The following SLC39A5 variants were observed in gnomAD, a reference collection of about 807,000 sequenced individuals.
The protein encoded by SLC39A5 is zinc transporter ZIP5.
SLC39A5 carries 42 observed loss-of-function variants against 46.9 expected under a neutral mutation model. That is an observed-to-expected ratio of 0.90 (90% confidence interval 0.70 to 1.16). The LOEUF is 1.16. SLC39A5 is among the 50% of genes most tolerant of loss of function. The probability of loss-of-function intolerance (pLI) is 0.00; values close to 1 mark genes in which losing one functional copy is unlikely to be tolerated. For synonymous variants in SLC39A5, 311 were observed against 323.1 expected, an observed-to-expected ratio of 0.96 and a Z score of 0.40; for missense variants, 677 against 686.8, an observed-to-expected ratio of 0.99 and a Z score of 0.16.
At chr12:56,232,394 A>G (rs1034840289) in intron 4 of SLC39A5, among the ~76,000 whole-genome samples, 81 of 151,256 alleles carry the variant, frequency 5.4e-4, no homozygotes, top group Admixed American at 8.6e-4. Context: ...TCGAACTTCC[A>G]ACCTCAGGTG....
Position 56,234,846 on chromosome 12 carries a change from TG to T in SLC39A5, c.496del (p.Val166SerfsTer5). ...CAGTGTCTGAACGGCTCCCAGCTGCTGGTCAATTTTGGCTTGAGCCCCGCTG... is the reference window on the plus strand; with the variant it reads ...CAGTGTCTGAACGGCTCCCAGCTGCTGTCAATTTTGGCTTGAGCCCCGCTG... ...NEDCLNGSQL[L>X]VNFGLSPAAP... On this transcript the variant is annotated frameshift_variant, in exon 6 of 13. Coordinates refer to ENST00000454355, the MANE Select transcript of SLC39A5 (RefSeq NM_173596.3). LOFTEE classifies it high-confidence loss of function. The T allele has an allele frequency of 6.2e-7, 1 of 1,613,788 alleles. No homozygotes were observed. The highest frequency in any genetic ancestry group is 8.5e-7 in the Non-Finnish European group (1 of 1,180,036).
At position 56,236,727 on chromosome 12, in the gene SLC39A5, C is replaced by T. The variant is rs1428654319; in HGVS notation, c.1188C>T (p.Leu396=). ...TCCTGGGAGATGGTCTACACAACCT[C>T]ACTGATGGGCTGGCCATAGGTGTGA... The part of the protein sequence containing the change: ...MVLLGDGLHN[L]TDGLAIGAAF... The change falls in exon 10 of 13, where the codon CTC becomes CTT. Residue 396 remains leucine, a synonymous_variant. Transcript: ENST00000454355. 5.0e-6 allele frequency: 8 copies of T among 1,604,374 alleles called. No homozygotes were observed. Among genetic ancestry groups the T allele is most frequent in the Non-Finnish European group, 6.8e-6 (8 of 1,174,088 alleles).
In SLC39A5 at chr12:56,237,779, C is replaced by T. The variant is rs186869310; in HGVS notation, c.*48C>T. The T allele has an allele frequency of 1.3e-5, 20 of 1,502,786 alleles. No homozygotes were observed. The African/African-American group carries it at 2.4e-4, about 18-fold the overall frequency. The allele number at this position is 1,502,786 out of a possible 1,614,324, so 93.1% of individuals were successfully genotyped here. A position where few individuals can be genotyped will look rare whatever the true frequency, so the allele number is the denominator to read the frequency against. On this transcript the variant is annotated 3_prime_UTR_variant, in exon 13 of 13. Transcript: ENST00000454355. ...GGTTGCCCTTCCTTCCCCCCAACCA[C>T]AGGAATGGAGGCGGGACACAGGGCC...
intron 5 of SLC39A5, among the ~76,000 whole-genome samples, chr12:56,233,234 A>C (rs1483669503): frequency 7.9e-6 from 1 of 126,612 alleles, no homozygotes; most frequent in Non-Finnish European, 1.6e-5. Flanking sequence ...TTTGCACTCC[A>C]GCCTGGGCAA....
At position 56,235,664 on chromosome 12, in the gene SLC39A5, C is replaced by T. The variant is rs200940210; in HGVS notation, c.909C>T (p.Asn303=). The T allele has an allele frequency of 8.7e-6, 14 of 1,614,054 alleles. No individual in the cohort carries two copies. In the Admixed American group the frequency reaches 1.5e-4, roughly 17 times the overall value. ...TCTTCCTGCTCTTTGTGCTGGAGAACATGCTGGGGCTTTTGCGGCACCGAG... is the reference window on the plus strand; with the variant it reads ...TCTTCCTGCTCTTTGTGCTGGAGAATATGCTGGGGCTTTTGCGGCACCGAG... ...GGLFLLFVLE[N]MLGLLRHRGL... is the part of the protein sequence containing the mutation. Residue 303 remains asparagine, a synonymous_variant, in exon 8 of 13, where the codon AAC becomes AAT. Coordinates refer to ENST00000454355, the MANE Select transcript of SLC39A5 (RefSeq NM_173596.3).
Position 56,231,345 on chromosome 12 carries a change from G to C in SLC39A5, c.71G>C (p.Gly24Ala). 2 of 1,613,766 alleles carry C rather than the reference G, an allele frequency of 1.2e-6. No homozygotes were observed. The highest frequency in any genetic ancestry group is 2.2e-5 in the South Asian group (2 of 91,074). The change falls in exon 4 of 13, where the codon GGC becomes GCC. Residue 24 changes from glycine to alanine, a missense_variant. Gly to Ala is a moderately conservative substitution (Grantham distance 60). Coordinates refer to ENST00000454355, the MANE Select transcript of SLC39A5 (RefSeq NM_173596.3). ...TGGGTCGTCTTGGGCTGGGTAGGGG[G>C]CTCAGTCCCCAACCTGGGCCCTGCT... ...CVWVVLGWVG[G>A]SVPNLGPAEQ...
At chr12:56,233,264 CAAAAAAAAAAAAAA>C (rs71081337) in intron 5 of SLC39A5, among the ~76,000 whole-genome samples, 17 of 31,034 alleles carry the variant, frequency 5.5e-4, no homozygotes, top group South Asian at 5.4e-3. Context: ...GACTCTGTCT[CAAAAAAAAAAAAAA>C]AAAAAAAAAA....
At position 56,237,356 on chromosome 12, in the gene SLC39A5, T is replaced by A. The variant is rs377171641; in HGVS notation, c.1479+16T>A. On this transcript the variant is annotated intron_variant, in intron 12 of 12. Transcript: ENST00000454355. ...TGTGGACATGGTGAGAGATGTCGGGTAGAGCAGAGAAATCAAGGGCAGTGG... is the reference window on the plus strand; with the variant it reads ...TGTGGACATGGTGAGAGATGTCGGGAAGAGCAGAGAAATCAAGGGCAGTGG... The A allele has an allele frequency of 1.3e-6, 2 of 1,569,992 alleles. No individual in the cohort carries two copies. Among genetic ancestry groups the A allele is most frequent in the Non-Finnish European group, 1.7e-6 (2 of 1,156,772 alleles).
chr12:56,232,231 T>A (rs1870294596), intron 4 of SLC39A5, among the ~76,000 whole-genome samples: 1 of 148,690 alleles, frequency 6.7e-6, no homozygotes, highest in Admixed American at 6.8e-5. Context: ...AGTGGTGTGA[T>A]CTTGGCTCAC....
At chr12:56,235,109 G>A in intron 6 of SLC39A5, 48 bp from the exon 7 acceptor site, 1 of 1,555,848 alleles carries the variant, frequency 6.4e-7, no homozygotes, top group Non-Finnish European at 8.7e-7. Flanking sequence ...CTTACGTGTG[G>A]GACCCTCCTC....
At chr12:56,234,724 G>T in intron 5 of SLC39A5, 100 bp from the exon 6 acceptor site, 6 of 1,352,824 alleles carry the variant, frequency 4.4e-6, no homozygotes, top group Non-Finnish European at 6.2e-6. Flanking sequence ...GCCTCTCAAG[G>T]GCTGGGATTA....
In SLC39A5 at chr12:56,232,722, G is replaced by A. The variant is rs772307632; in HGVS notation, c.321G>A (p.Trp107Ter). ...ACCCTGAGCTGAGTGTGGATGTCTG[G>A]GCAGGGATGCCTCTGGGTCCCTCAG... ...PQNPELSVDV[W>*]AGMPLGPSGW... The change falls in exon 5 of 13, where the codon TGG becomes TGA. Residue 107 changes from tryptophan to a stop codon, truncating the protein, a stop_gained. Coordinates refer to ENST00000454355, the MANE Select transcript of SLC39A5 (RefSeq NM_173596.3). LOFTEE classifies it high-confidence loss of function. 1 of 1,611,278 alleles carries A rather than the reference G, an allele frequency of 6.2e-7. No individual in the cohort carries two copies. The highest frequency in any genetic ancestry group is 1.7e-5 in the Admixed American group (1 of 59,470).
rs982022692 is a variant in SLC39A5 at position 56,237,667 on chromosome 12, G to A, written c.1559G>A (p.Gly520Asp). 2 of 1,607,932 alleles carry A rather than the reference G, an allele frequency of 1.2e-6. No individual in the cohort carries two copies. ...CAGGGGCTGGGGCTGCTGCTGGGGG[G>A]CGGCCTCATGCTTGCCATAACCCTG... ...LLQGLGLLLG[G>D]GLMLAITLLE... Residue 520 changes from glycine (G) to aspartate (D), a missense_variant, in exon 13 of 13, where the codon GGC becomes GAC. By Grantham distance (94) the Gly-to-Asp change is moderately conservative. Transcript: ENST00000454355.
At position 56,235,417 on chromosome 12, in the gene SLC39A5, C is replaced by T. The variant is rs1051849070; in HGVS notation, c.804+91C>T. On this transcript the variant is annotated intron_variant, in intron 7 of 12. Coordinates refer to ENST00000454355, the MANE Select transcript of SLC39A5 (RefSeq NM_173596.3). ...ATCCCCTCCGCCTTTCCATCAGCTCCCATATCCTACTCCCAGATCCTGGCT... is the reference window on the plus strand; with the variant it reads ...ATCCCCTCCGCCTTTCCATCAGCTCTCATATCCTACTCCCAGATCCTGGCT... 25 of 1,506,838 alleles carry T rather than the reference C, an allele frequency of 1.7e-5. No homozygotes were observed. The East Asian group carries it at 4.1e-4, about 25-fold the overall frequency. The allele number at this position is 1,506,838 out of a possible 1,614,324, so 93.3% of individuals were successfully genotyped here. A position where few individuals can be genotyped will look rare whatever the true frequency, so the allele number is the denominator to read the frequency against.
chr12:56,234,650 A>G (rs1870549582), intron 5 of SLC39A5, among the ~76,000 whole-genome samples, 174 bp from the exon 6 acceptor site: 1 of 152,042 alleles, frequency 6.6e-6, no homozygotes, highest in Non-Finnish European at 1.5e-5. Context: ...TAGTAGAGAC[A>G]GGGTTTCACT....
chr12:56,236,277 G>A, intron 8 of SLC39A5, 119 bp from the exon 9 acceptor site: 1 of 879,502 alleles, frequency 1.1e-6, no homozygotes, highest in Non-Finnish European at 1.8e-6. Flanking sequence ...AGAGGCCAAA[G>A]AACATCCCAG....
At chr12:56,237,364 A>T in intron 12 of SLC39A5, 24 bp downstream of exon 12, 1 of 1,564,784 alleles carries the variant, frequency 6.4e-7, no homozygotes, top group East Asian at 2.3e-5. Flanking sequence ...GGTAGAGCAG[A>T]GAAATCAAGG....
rs542726386 is a variant in SLC39A5 at position 56,232,855 on chromosome 12, G to C, written c.454G>C (p.Asp152His). 6.2e-7 allele frequency: 1 copy of C among 1,611,208 alleles called. No homozygotes were observed. Among genetic ancestry groups the C allele is most frequent in the Non-Finnish European group, 8.5e-7 (1 of 1,178,870 alleles). The change falls in exon 5 of 13, where the codon GAC becomes CAC. Residue 152 changes from aspartate to histidine, a missense_variant. Physicochemically the swap from Asp to His is moderately conservative, Grantham distance 81. Transcript: ENST00000454355. ...RLLLLDHSLA[D>H]HLNEDCLNGS... is the part of the protein sequence containing the mutation. ...TCTGTTGCTGGACCACTCATTGGCT[G>C]ACCACCTGAATGAGGATGTGAGTCT...
chr12:56,236,382 C>T lies in SLC39A5; in HGVS notation c.946-14C>T, dbSNP rs781468857. 1 of 1,613,384 alleles carries T rather than the reference C, an allele frequency of 6.2e-7. No homozygotes were observed. Among genetic ancestry groups the T allele is most frequent in the Non-Finnish European group, 8.5e-7 (1 of 1,179,346 alleles). The stretch of plus-strand genomic sequence containing the variant: ...GCTGCCTCCTCCACCAGGAGGGATG[C>T]CCTCCTATTTCAGAGATGCTGCAGG... On this transcript the variant is annotated splice_polypyrimidine_tract_variant and intron_variant, in intron 8 of 12. Transcript: ENST00000454355.
Sources: gnomAD v4.1 joint callset for allele counts (sites outside exome capture counted in the v4.1 genomes callset) on GRCh38, gnomAD v4.1.1 for gene constraint, MANE v1.5 for transcripts, NCBI Gene and HGNC (gene_info 2026-07-23, HGNC 2026-07-21) for gene names.